DLGAP2: variants seen among roughly 807,000 people sequenced by gnomAD.
The protein encoded by DLGAP2 is DLG associated protein 2.
DLGAP2 carries 26 observed loss-of-function variants against 100.3 expected under a neutral mutation model. The ratio of observed to expected loss-of-function variants is 0.26; its 90% CI spans 0.19 to 0.36. The LOEUF (loss-of-function observed/expected upper bound fraction) is 0.36, where lower values mean the gene tolerates loss of function less well. Ranked by LOEUF, DLGAP2 falls within the 10% of genes least tolerant of loss-of-function variation. The pLI is 1.00. For synonymous variants in DLGAP2, 886 were observed against 630.1 expected (o/e 1.41, Z -6.08); for missense variants, 1,858 against 1,453.2 (o/e 1.28, Z -4.53).
intron 3 of DLGAP2, among the ~76,000 whole-genome samples, chr8:1,277,761 T>G (rs189642730): frequency 6.6e-6 from 1 of 152,146 alleles, no homozygotes; most frequent in Non-Finnish European, 1.5e-5. Flanking sequence ...CCCCCACCCT[T>G]GGCAGGGCCG....
At position 1,454,077 on chromosome 8, in the gene DLGAP2, C is replaced by G. The variant is rs1584920120; in HGVS notation, c.107-47289C>G. ...GAATGACAGATCGCAAAGTTGAAATCTGAGGCACGATGAAGCCATGGAAAC... is the reference window on the plus strand; with the variant it reads ...GAATGACAGATCGCAAAGTTGAAATGTGAGGCACGATGAAGCCATGGAAAC... On this transcript the variant is annotated intron_variant, in intron 3 of 14. Transcript: ENST00000637795. Among the ~76,000 whole-genome samples the G allele has an allele frequency of 2.0e-5, 3 of 152,356 alleles. 1 individual carries two copies. Among genetic ancestry groups the G allele is most frequent in the Admixed American group, 2.0e-4 (3 of 15,304 alleles).
chr8:1,155,656 G>A (rs1585107542), intron 2 of DLGAP2, among the ~76,000 whole-genome samples: 2 of 152,190 alleles, frequency 1.3e-5, no homozygotes, highest in Admixed American at 6.5e-5. Context: ...TCCGGACTCC[G>A]AGACCCCCAG....
chr8:856,212 G>C (rs1797275210), intron 1 of DLGAP2, among the ~76,000 whole-genome samples: 1 of 109,466 alleles, frequency 9.1e-6, no homozygotes, highest in East Asian at 2.3e-4. Context: ...TTTTGAGATG[G>C]AGTTTCGCTC....
At chr8:876,353 A>T (rs1392959429) in intron 1 of DLGAP2, among the ~76,000 whole-genome samples, 1 of 152,088 alleles carries the variant, frequency 6.6e-6, no homozygotes, top group Non-Finnish European at 1.5e-5. Flanking sequence ...ATTTTTCTGG[A>T]AATGTCTTTA....
chr8:925,495 C>T (rs1285485945), intron 2 of DLGAP2, among the ~76,000 whole-genome samples: 1 of 152,076 alleles, frequency 6.6e-6, no homozygotes, highest in Admixed American at 6.6e-5. Context: ...TCCAGGAATC[C>T]ATGACTTGGG....
chr8:816,112 G>A (rs1169714076), intron 1 of DLGAP2, among the ~76,000 whole-genome samples: 2 of 152,088 alleles, frequency 1.3e-5, no homozygotes, highest in East Asian at 1.9e-4. Flanking sequence ...TATATGTTAG[G>A]TTAGTCTCTT....
intron 2 of DLGAP2, among the ~76,000 whole-genome samples, chr8:1,229,999 T>C (rs1798502115): frequency 6.6e-6 from 1 of 152,098 alleles, no homozygotes; most frequent in African/African-American, 2.4e-5. Flanking sequence ...CTATTCAACA[T>C]AGTGCTGGCC....
intron 1 of DLGAP2, among the ~76,000 whole-genome samples, chr8:777,409 A>G (rs1821553246): frequency 2.0e-5 from 3 of 151,028 alleles, no homozygotes; most frequent in African/African-American, 7.3e-5. Flanking sequence ...TTAGCTGTTT[A>G]TTTTGCTCGT....
rs1294257642 is a variant in DLGAP2 at position 1,377,522 on chromosome 8, C to T, written c.106+118639C>T. On this transcript the variant is annotated intron_variant, in intron 3 of 14. Coordinates refer to ENST00000637795, the MANE Select transcript of DLGAP2 (RefSeq NM_001346810.2). ...TCGCACCACTGCACTCCAGCCCGGG[C>T]GATAGAGCGAGACTCCGACTCAAAA... 5.9e-5 allele frequency among the ~76,000 whole-genome samples: 9 copies of T among 152,026 alleles called. No homozygotes were observed. In the East Asian group the frequency reaches 1.4e-3, roughly 23 times the overall value.
At chr8:1,531,339 G>A (rs1346137084) in intron 4 of DLGAP2, among the ~76,000 whole-genome samples, 1 of 151,814 alleles carries the variant, frequency 6.6e-6, no homozygotes, top group Non-Finnish European at 1.5e-5. Flanking sequence ...GCTTCTTTCT[G>A]TATTCTCCTA....
At chr8:1,511,702 C>A (rs10113318) in intron 4 of DLGAP2, among the ~76,000 whole-genome samples, 12 of 148,844 alleles carry the variant, frequency 8.1e-5, no homozygotes, top group Admixed American at 8.0e-4. Flanking sequence ...GACCATCTTC[C>A]ATGGACGTAA....
chr8:1,068,558 C>G (rs941706714), intron 2 of DLGAP2, among the ~76,000 whole-genome samples: 1 of 152,136 alleles, frequency 6.6e-6, no homozygotes, highest in Non-Finnish European at 1.5e-5. Context: ...CTAGCAGTGG[C>G]TCTATCTGTG....
At chr8:896,818 T>C (rs779290423) in intron 1 of DLGAP2, among the ~76,000 whole-genome samples, 12 of 152,168 alleles carry the variant, frequency 7.9e-5, no homozygotes, top group Non-Finnish European at 1.5e-4. Context: ...CCCCAGTCTG[T>C]GGCTTTTGTT....
chr8:960,015 A>T (rs1387917290), intron 2 of DLGAP2, among the ~76,000 whole-genome samples: 1 of 152,102 alleles, frequency 6.6e-6, no homozygotes, highest in African/African-American at 2.4e-5. Flanking sequence ...ATGTTTGAGG[A>T]TTATCCTCTC....
intron 1 of DLGAP2, among the ~76,000 whole-genome samples, chr8:795,400 C>G (rs1796002352): frequency 6.6e-6 from 1 of 152,192 alleles, no homozygotes; most frequent in South Asian, 2.1e-4. Context: ...CAGCCTTGCA[C>G]TTAGACTGTC....
intron 3 of DLGAP2, among the ~76,000 whole-genome samples, chr8:1,356,562 A>T (rs536140259): frequency 2.0e-5 from 3 of 152,028 alleles, no homozygotes; most frequent in African/African-American, 7.2e-5. Flanking sequence ...ACACTGTGAG[A>T]GTTACCCTGT....
intron 2 of DLGAP2, among the ~76,000 whole-genome samples, chr8:1,068,583 A>G (rs1456541769): frequency 6.6e-6 from 1 of 151,708 alleles, no homozygotes; most frequent in Non-Finnish European, 1.5e-5. Context: ...CTGTGCTGTT[A>G]TTTTGCTGCT....
At chr8:1,182,147 CAT>C (rs1287208386) in intron 2 of DLGAP2, among the ~76,000 whole-genome samples, 2 of 152,234 alleles carry the variant, frequency 1.3e-5, no homozygotes, top group Non-Finnish European at 2.9e-5. Context: ...GGTGGCGAGT[CAT>C]GTGTGGCTGC....
intron 4 of DLGAP2, among the ~76,000 whole-genome samples, chr8:1,508,202 C>T (rs748118355): frequency 3.3e-5 from 5 of 151,870 alleles, no homozygotes; most frequent in Admixed American, 1.3e-4. Flanking sequence ...GCATTTACAG[C>T]TTTTCTCCTA....
Sources: allele counts gnomAD v4.1 joint callset (sites outside exome capture counted in the v4.1 genomes callset), GRCh38; gene constraint gnomAD v4.1.1; transcripts MANE v1.5; gene names NCBI Gene and HGNC (gene_info 2026-07-23, HGNC 2026-07-21).